Variants in PCDH15 observed in about 807,000 individuals in gnomAD.
PCDH15 encodes the protein protocadherin related 15.
A neutral mutation model predicts 178.5 loss-of-function variants in PCDH15; 129 were observed. That is an observed-to-expected ratio of 0.72 (90% confidence interval 0.63 to 0.84). PCDH15 has a LOEUF of 0.84. PCDH15 is among the 40% of genes least tolerant of loss of function. The pLI, the probability that PCDH15 is intolerant of heterozygous loss-of-function variation, is 0.00. For missense variants in PCDH15, 2,230 were observed against 2,099.9 expected, an observed-to-expected ratio of 1.06 and a Z score of -1.21; for synonymous variants, 800 against 732.0, an observed-to-expected ratio of 1.09 and a Z score of -1.50.
At chr10:54,480,498 T>G (rs372097727) in intron 3 of PCDH15, among the ~76,000 whole-genome samples, 3 of 152,150 alleles carry the variant, frequency 2.0e-5, no homozygotes, top group East Asian at 3.9e-4. Flanking sequence ...AAAAAAAGTG[T>G]TATTTGCTAC....
chr10:53,926,500 G>A (rs1288871655), intron 25 of PCDH15, among the ~76,000 whole-genome samples: 4 of 152,140 alleles, frequency 2.6e-5, no homozygotes, highest in African/African-American at 9.7e-5. Flanking sequence ...TGCTTTATGA[G>A]AAACACTATT....
At chr10:55,453,691 G>A (rs1839484338) in intron 2 of PCDH15, among the ~76,000 whole-genome samples, 1 of 151,912 alleles carries the variant, frequency 6.6e-6, no homozygotes, top group South Asian at 2.1e-4. Context: ...TACTGACCCT[G>A]ACTATAGGGC....
chr10:55,126,468 C>T (rs1459855749), intron 2 of PCDH15, among the ~76,000 whole-genome samples: 1 of 152,014 alleles, frequency 6.6e-6, no homozygotes, highest in Non-Finnish European at 1.5e-5. Flanking sequence ...ACTTTGGTCT[C>T]AATAGGGGTG....
At chr10:53,959,085 T>C (rs1359395744) in intron 23 of PCDH15, among the ~76,000 whole-genome samples, 1 of 148,628 alleles carries the variant, frequency 6.7e-6, no homozygotes, top group Non-Finnish European at 1.5e-5. Flanking sequence ...ACAGTATATA[T>C]ACTAACCATA....
intron 1 of PCDH15, among the ~76,000 whole-genome samples, chr10:54,725,441 C>A (rs540062307): frequency 1.4e-5 from 2 of 144,558 alleles, no homozygotes; most frequent in East Asian, 4.0e-4. Flanking sequence ...ATTTGGGAGA[C>A]CAAGGTGGAA....
intron 3 of PCDH15, among the ~76,000 whole-genome samples, chr10:54,526,466 G>T (rs960442685): frequency 2.6e-5 from 4 of 152,002 alleles, no homozygotes; most frequent in African/African-American, 9.7e-5. Flanking sequence ...TTTAAAAATA[G>T]TTAGCCATAA....
chr10:55,602,543 G>A (rs1318116788), intron 2 of PCDH15, among the ~76,000 whole-genome samples: 14 of 152,158 alleles, frequency 9.2e-5, no homozygotes, highest in Non-Finnish European at 1.5e-5. Context: ...GGAGATCTGA[G>A]AACAGGCAGA....
rs1235813789 is a variant in PCDH15, at chr10:54,185,286, A to T, written c.1306-18T>A. ...TCTTTTGTCTTTGAAAAAAAATGACATCGTTTCAAACGTTGAATAAATAAT... is the reference window on the plus strand; with the variant it reads ...TCTTTTGTCTTTGAAAAAAAATGACTTCGTTTCAAACGTTGAATAAATAAT... On this transcript the variant is annotated intron_variant, in intron 11 of 37. Coordinates refer to ENST00000644397, the MANE Select transcript of PCDH15 (RefSeq NM_001384140.1). 1 of 1,613,034 alleles carries T rather than the reference A, an allele frequency of 6.2e-7. No individual in the cohort carries two copies. Among genetic ancestry groups the T allele is most frequent in the African/African-American group, 1.3e-5 (1 of 74,884 alleles).
At chr10:55,517,629 C>T (rs1841050858) in intron 2 of PCDH15, among the ~76,000 whole-genome samples, 1 of 152,022 alleles carries the variant, frequency 6.6e-6, no homozygotes. Flanking sequence ...ATCATGCGTT[C>T]CAGCAATTGC....
At chr10:55,460,790 AT>A (rs1425340661) in intron 2 of PCDH15, among the ~76,000 whole-genome samples, 1 of 151,960 alleles carries the variant, frequency 6.6e-6, no homozygotes, top group Admixed American at 6.6e-5. Flanking sequence ...GACATTGTAT[AT>A]TTTATCTCAT....
intron 6 of PCDH15, among the ~76,000 whole-genome samples, chr10:54,330,430 T>C (rs1939247628): frequency 6.6e-6 from 1 of 151,812 alleles, no homozygotes; most frequent in South Asian, 2.1e-4. Flanking sequence ...AATCTAAACA[T>C]AGAAAAGGTA....
intron 2 of PCDH15, among the ~76,000 whole-genome samples, chr10:55,538,379 T>C (rs1350087553): frequency 6.8e-6 from 1 of 147,122 alleles, no homozygotes; most frequent in Non-Finnish European, 1.5e-5. Context: ...AAGCTTTTCC[T>C]TCCTTCCTTC....
At chr10:53,936,131 T>A (rs1380653597) in intron 25 of PCDH15, among the ~76,000 whole-genome samples, 4 of 152,262 alleles carry the variant, frequency 2.6e-5, no homozygotes, top group Non-Finnish European at 5.9e-5. Flanking sequence ...AGAAATGTGG[T>A]TTCTTGCACA....
At chr10:54,901,131 T>G (rs559844928) in intron 2 of PCDH15, among the ~76,000 whole-genome samples, 2 of 151,926 alleles carry the variant, frequency 1.3e-5, no homozygotes, top group South Asian at 4.2e-4. Flanking sequence ...GGCAACAAAG[T>G]AAGACCCCCC....
intron 3 of PCDH15, among the ~76,000 whole-genome samples, chr10:54,884,676 A>T (rs1276809339): frequency 6.6e-6 from 1 of 151,460 alleles, no homozygotes; most frequent in African/African-American, 2.4e-5. Context: ...TTTAATGAGA[A>T]TATGTGGGAC....
At chr10:55,423,232 A>C (rs906371714) in intron 2 of PCDH15, among the ~76,000 whole-genome samples, 1 of 152,044 alleles carries the variant, frequency 6.6e-6, no homozygotes, top group Admixed American at 6.6e-5. Flanking sequence ...AGATAAAATT[A>C]ACACACTTTA....
chr10:55,615,861 G>T (rs369483790), intron 2 of PCDH15, among the ~76,000 whole-genome samples: 1 of 152,042 alleles, frequency 6.6e-6, no homozygotes, highest in African/African-American at 2.4e-5. Context: ...TCATTCCATC[G>T]CTGCAGCCTG....
chr10:53,936,168 C>T (rs886555827), intron 25 of PCDH15, among the ~76,000 whole-genome samples: 2 of 152,038 alleles, frequency 1.3e-5, no homozygotes, highest in Admixed American at 6.6e-5. Context: ...AATAAAAGAG[C>T]GTAGTGGTGA....
chr10:54,535,934 A>G (rs1256987334), intron 2 of PCDH15, among the ~76,000 whole-genome samples: 3 of 152,150 alleles, frequency 2.0e-5, no homozygotes, highest in Non-Finnish European at 4.4e-5. Context: ...ATTCTCTTAC[A>G]TATAATTCAT....
Sources: allele counts gnomAD v4.1 joint callset (sites outside exome capture counted in the v4.1 genomes callset), GRCh38; gene constraint gnomAD v4.1.1; transcripts MANE v1.5; gene names NCBI Gene and HGNC (gene_info 2026-07-23, HGNC 2026-07-21).